Variants in PRSS55 observed in about 807,000 individuals in gnomAD.
PRSS55 encodes the protein probable serine protease UNQ9391/PRO34284.
PRSS55 carries 41 observed loss-of-function variants against 23.6 expected under a neutral mutation model. The observed-to-expected ratio is 1.74, with a 90% CI of 1.35 to 2.26. The LOEUF is 2.26. PRSS55 is among the 30% of genes most tolerant of loss of function. PRSS55 has a pLI of 0.00. For synonymous variants in PRSS55, 262 were observed against 175.5 expected, an observed-to-expected ratio of 1.49 and a Z score of -3.90; for missense variants, 669 against 439.1, an observed-to-expected ratio of 1.52 and a Z score of -4.68.
Position 10,525,537 on chromosome 8 carries a change from C to T in PRSS55, c.-49C>T, listed in dbSNP as rs369623006. The T allele has an allele frequency of 3.8e-6, 6 of 1,585,496 alleles. No homozygotes were observed. The highest frequency in any genetic ancestry group is 1.3e-5 in the African/African-American group (1 of 74,700). The stretch of plus-strand genomic sequence containing the variant: ...AGCTGGAGGCTCTCAGCCTCACTGC[C>T]TCAGCCCTGGCCTCTGTCACCCCCG... On this transcript the variant is annotated 5_prime_UTR_variant, in exon 1 of 5. Transcript: ENST00000328655.
chr8:10,539,167 C>G (rs972526450), downstream of PRSS55, among the ~76,000 whole-genome samples: 1 of 152,132 alleles, frequency 6.6e-6, no homozygotes, highest in Non-Finnish European at 1.5e-5. Flanking sequence ...GGCCATTACC[C>G]TCAAGAGGGC....
intron 4 of PRSS55, among the ~76,000 whole-genome samples, chr8:10,549,256 G>A (rs569295856): frequency 5.3e-5 from 8 of 152,312 alleles, no homozygotes; most frequent in South Asian, 2.1e-4. Flanking sequence ...GGCCATGGCC[G>A]CGGAGAGCCA....
chr8:10,525,874 TTCTC>T lies in PRSS55; in HGVS notation c.154+138_154+141del. 3.1e-6 allele frequency: 3 copies of T among 954,516 alleles called. No individual in the cohort carries two copies. In the South Asian group the frequency reaches 5.6e-5, roughly 18 times the overall value. 59.1% of individuals were successfully genotyped at this position (954,516 alleles called of 1,614,324 possible). On this transcript the variant is annotated intron_variant, in intron 1 of 4. Coordinates refer to ENST00000328655, the MANE Select transcript of PRSS55 (RefSeq NM_198464.4). ...ACCCCTTCTCCAAACCACTTGTCCT[TTCTC>T]TCCTCTCTCCCCTGGCCCAGTGTTT...
intron 4 of PRSS55, among the ~76,000 whole-genome samples, chr8:10,549,991 C>G (rs1043704910): frequency 6.6e-6 from 1 of 152,220 alleles, no homozygotes; most frequent in African/African-American, 2.4e-5. Context: ...GTGATCTCAG[C>G]TCACTGCAGC....
At chr8:10,548,541 C>T (rs1203619321) in intron 4 of PRSS55, among the ~76,000 whole-genome samples, 2 of 152,182 alleles carry the variant, frequency 1.3e-5, no homozygotes, top group Non-Finnish European at 2.9e-5. Flanking sequence ...CGGTTTCCCT[C>T]ACTCTGAGGC....
At chr8:10,529,269 G>A (rs986088004) in intron 1 of PRSS55, 6 of 571,990 alleles carry the variant, frequency 1.0e-5, no homozygotes, top group South Asian at 2.0e-5. Flanking sequence ...ATGCTGGATA[G>A]AGTCAGAGCC....
At chr8:10,538,994 C>A (rs1470007417), downstream of PRSS55, among the ~76,000 whole-genome samples, 1 of 150,720 alleles carries the variant, frequency 6.6e-6, no homozygotes, top group Non-Finnish European at 1.5e-5. Flanking sequence ...TTCTAGGTGA[C>A]AGTCACCTAA....
intron 1 of PRSS55, among the ~76,000 whole-genome samples, chr8:10,529,242 C>T (rs889021105): frequency 6.6e-6 from 1 of 152,182 alleles, no homozygotes; most frequent in African/African-American, 2.4e-5. Flanking sequence ...AGTGAAGTGA[C>T]TCTCCTGAGG....
intron 2 of PRSS55, 127 bp downstream of exon 2, chr8:10,529,826 T>G (rs1414653931): frequency 1.1e-6 from 1 of 916,976 alleles, no homozygotes; most frequent in East Asian, 2.4e-5. Context: ...CATGAATGGC[T>G]CCCACCCATC....
intron 4 of PRSS55, among the ~76,000 whole-genome samples, chr8:10,535,908 C>A (rs552094002): frequency 6.6e-6 from 1 of 152,150 alleles, no homozygotes; most frequent in South Asian, 2.1e-4. Context: ...GCAGAGGGGC[C>A]GGGAGCGGTG....
intron 4 of PRSS55, among the ~76,000 whole-genome samples, chr8:10,548,827 G>C (rs1812883593): frequency 6.6e-6 from 1 of 152,098 alleles, no homozygotes; most frequent in Non-Finnish European, 1.5e-5. Flanking sequence ...TTTTATTAAA[G>C]CATCTCCCGT....
Position 10,531,476 on chromosome 8 carries a change from C to T in PRSS55, c.529C>T (p.Leu177Phe). 1 of 1,614,064 alleles carries T rather than the reference C, an allele frequency of 6.2e-7. No homozygotes were observed. The highest frequency in any genetic ancestry group is 8.5e-7 in the Non-Finnish European group (1 of 1,180,054). The change falls in exon 3 of 5, where the codon CTC (leucine) becomes TTC (phenylalanine). Residue 177 changes from leucine (L) to phenylalanine (F), a missense_variant. By Grantham distance (22) the Leu-to-Phe change is conservative. Transcript: ENST00000328655. ...CGATGACCTGAAGGTGCCCATCTGC[C>T]TCCCCACGCAGCCCGGCCCTGCCAC... ...KLDDLKVPIC[L>F]PTQPGPATWR...
In PRSS55 at chr8:10,553,465, C is replaced by T. The variant is rs1319353831; in HGVS notation, c.742-478C>T. 1.4e-4 allele frequency among the ~76,000 whole-genome samples: 21 copies of T among 152,118 alleles called. 1 individual carries two copies. Among genetic ancestry groups the T allele is most frequent in the Admixed American group, 1.4e-3 (21 of 15,278 alleles). On this transcript the variant is annotated intron_variant, in intron 4 of 4. Transcript: ENST00000522210. ...TGTACACAATAAAATACTACTCAGCCTTAAACAAGAAGGAAATTCTGTCAT... is the reference window on the plus strand; with the variant it reads ...TGTACACAATAAAATACTACTCAGCTTTAAACAAGAAGGAAATTCTGTCAT...
At chr8:10,529,435 C>A (rs765103335) in intron 1 of PRSS55, 72 bp from the exon 2 acceptor site, 46 of 1,490,842 alleles carry the variant, frequency 3.1e-5, no homozygotes, top group Non-Finnish European at 4.3e-5. Context: ...CCTCCCAGCC[C>A]GGTCCCCAGC....
Position 10,538,780 on chromosome 8 carries a change from C to G in PRSS55, c.1046C>G (p.Ala349Gly), listed in dbSNP as rs778087515. The change falls in exon 5 of 5, where the codon GCT becomes GGT. Residue 349 changes from alanine to glycine, a missense_variant. By Grantham distance (60) the Ala-to-Gly change is moderately conservative. Transcript: ENST00000328655. ...CCCCTGTCCCATGTGTTGTTCAGAGCTATTTTGTACTGATAATAAAATAGA... is the reference window on the plus strand; with the variant it reads ...CCCCTGTCCCATGTGTTGTTCAGAGGTATTTTGTACTGATAATAAAATAGA... ...LCPLSHVLFR[A>G]ILY 1 of 1,563,138 alleles carries G rather than the reference C, an allele frequency of 6.4e-7. No individual in the cohort carries two copies. The highest frequency in any genetic ancestry group is 8.6e-7 in the Non-Finnish European group (1 of 1,158,074).
chr8:10,530,784 G>A (rs1461031723), intron 2 of PRSS55, among the ~76,000 whole-genome samples: 1 of 152,140 alleles, frequency 6.6e-6, no homozygotes, highest in Non-Finnish European at 1.5e-5. Flanking sequence ...CCGCTGTCGT[G>A]GGATATCAAA....
rs569722097 is a variant in PRSS55 at position 10,531,509 on chromosome 8, G to A, written c.562G>A (p.Glu188Lys). 237 of 1,613,854 alleles carry A rather than the reference G, an allele frequency of 1.5e-4. No individual in the cohort carries two copies. The South Asian group carries it at 1.9e-3, about 13-fold the overall frequency. ...GCAGCCCGGCCCTGCCACATGGCGC[G>A]AATGCTGGGTGGCAGGTTGGGGCCA... is the stretch of plus-strand genomic sequence containing the variant. ...PTQPGPATWR[E>K]CWVAGWGQTN... The change falls in exon 3 of 5, where the codon GAA becomes AAA. Residue 188 changes from glutamate to lysine, a missense_variant. Glu to Lys is a moderately conservative substitution (Grantham distance 56). Coordinates refer to ENST00000328655, the MANE Select transcript of PRSS55 (RefSeq NM_198464.4).
chr8:10,525,962 G>A (rs1390252451), intron 1 of PRSS55, among the ~76,000 whole-genome samples: 1 of 152,174 alleles, frequency 6.6e-6, no homozygotes, highest in Non-Finnish European at 1.5e-5. Context: ...CAGAGGAATA[G>A]CAGGCTGCCC....
intron 4 of PRSS55, among the ~76,000 whole-genome samples, chr8:10,534,928 C>G (rs1482226520): frequency 6.6e-6 from 1 of 152,170 alleles, no homozygotes; most frequent in Non-Finnish European, 1.5e-5. Context: ...AGACAACACA[C>G]AAGCTGAGAG....
Sources: allele counts gnomAD v4.1 joint callset (sites outside exome capture counted in the v4.1 genomes callset), GRCh38; gene constraint gnomAD v4.1.1; transcripts MANE v1.5; gene names NCBI Gene and HGNC (gene_info 2026-07-23, HGNC 2026-07-21).